The following CPED1 variants were observed in gnomAD, a reference collection of about 807,000 sequenced individuals.
The protein encoded by CPED1 is cadherin like and PC-esterase domain containing 1, also known as cadherin-like and PC-esterase domain-containing protein 1.
Under a neutral mutation model 128.2 loss-of-function variants are expected in CPED1, and 114 were observed. That is an observed-to-expected ratio of 0.89 (90% CI 0.76 to 1.04). The LOEUF (loss-of-function observed/expected upper bound fraction) is 1.04. Ranked by LOEUF, CPED1 falls within the 50% of genes least tolerant of loss-of-function variation. The pLI is 0.00. For synonymous variants in CPED1, 462 were observed against 426.7 expected (o/e 1.08, Z -1.02); for missense variants, 1,211 against 1,207.1 (o/e 1.00, Z -0.05).
rs145911195 is a variant in CPED1 at position 120,996,915 on chromosome 7, C to T, written c.249+7045C>T. Among the ~76,000 whole-genome samples the T allele has an allele frequency of 8.5e-5, 13 of 152,288 alleles. No homozygotes were observed. The South Asian group carries it at 1.4e-3, about 17-fold the overall frequency. ...AGCTTTCAGGAGTTGTAACGTTGAGCGCACTCAATTGAGTAGAAACCACAC... is the reference window on the plus strand; with the variant it reads ...AGCTTTCAGGAGTTGTAACGTTGAGTGCACTCAATTGAGTAGAAACCACAC... On this transcript the variant is annotated intron_variant, in intron 2 of 22. Coordinates refer to ENST00000310396, the MANE Select transcript of CPED1 (RefSeq NM_024913.5).
At position 121,204,175 on chromosome 7, in the gene CPED1, A is replaced by G. The variant is rs1220010427; in HGVS notation, c.2056-32539A>G. On this transcript the variant is annotated intron_variant, in intron 16 of 22. Transcript: ENST00000310396. Reference sequence around the variant, plus strand: ...AAACTCTTTGTTCCAAAATTGGAGAAGGGGCCACTGGTTTGATTACGGGTT... The same window carrying G: ...AAACTCTTTGTTCCAAAATTGGAGAGGGGGCCACTGGTTTGATTACGGGTT... 1.6e-4 allele frequency among the ~76,000 whole-genome samples: 24 copies of G among 152,232 alleles called. 1 individual carries two copies.
chr7:121,138,122 T>A (rs1460960917), intron 14 of CPED1, among the ~76,000 whole-genome samples: 3 of 152,060 alleles, frequency 2.0e-5, no homozygotes, highest in African/African-American at 7.2e-5. Flanking sequence ...TTAAAAATAA[T>A]GTAAGGATGC....
chr7:121,144,817 T>A (rs994010174), intron 16 of CPED1, among the ~76,000 whole-genome samples: 3 of 152,024 alleles, frequency 2.0e-5, no homozygotes, highest in African/African-American at 7.2e-5. Context: ...ACAACTATTA[T>A]GTATCCACAA....
At chr7:121,180,890 C>G (rs1292260733) in intron 16 of CPED1, among the ~76,000 whole-genome samples, 1 of 152,028 alleles carries the variant, frequency 6.6e-6, no homozygotes, top group Non-Finnish European at 1.5e-5. Flanking sequence ...TGGGACATGT[C>G]TTAGCATTCT....
chr7:121,047,026 C>T, intron 4 of CPED1, 33 bp downstream of exon 4: 1 of 1,331,006 alleles, frequency 7.5e-7, no homozygotes, highest in Non-Finnish European at 1.1e-6. Flanking sequence ...CAGATTTTAT[C>T]AGCCCTACAG....
At chr7:121,098,729 C>A (rs1794758000) in intron 6 of CPED1, among the ~76,000 whole-genome samples, 1 of 29,760 alleles carries the variant, frequency 3.4e-5, no homozygotes, top group African/African-American at 8.4e-5. Context: ...GACCTTGTCT[C>A]AAATATATAT....
In CPED1 at chr7:121,099,915, T is replaced by A; in HGVS notation, c.750-11T>A. On this transcript the variant is annotated splice_polypyrimidine_tract_variant and intron_variant, in intron 6 of 22. Transcript: ENST00000310396. ...TTATGGAGCGCTAACTATGTTTTTT[T>A]TTTTTTTTAGGAATGAAACGACAGT... The A allele has an allele frequency of 6.2e-7, 1 of 1,608,198 alleles. No individual in the cohort carries two copies. The highest frequency in any genetic ancestry group is 8.5e-7 in the Non-Finnish European group (1 of 1,178,432).
intron 22 of CPED1, among the ~76,000 whole-genome samples, chr7:121,293,002 A>G (rs1792740882): frequency 6.6e-6 from 1 of 152,130 alleles, no homozygotes; most frequent in South Asian, 2.1e-4. Context: ...GGGGGTCAGG[A>G]ACCCACTTGA....
At chr7:121,284,901 T>A (rs555362399) in intron 22 of CPED1, among the ~76,000 whole-genome samples, 1 of 152,322 alleles carries the variant, frequency 6.6e-6, no homozygotes, top group South Asian at 2.1e-4. Context: ...GCCCTTCTTC[T>A]CACAGCTTCA....
At chr7:121,009,940 G>A (rs931957255) in intron 2 of CPED1, among the ~76,000 whole-genome samples, 1 of 152,120 alleles carries the variant, frequency 6.6e-6, no homozygotes, top group Non-Finnish European at 1.5e-5. Context: ...GGGCATGCAT[G>A]TATTTATAAA....
intron 22 of CPED1, among the ~76,000 whole-genome samples, chr7:121,288,180 T>C (rs1278942252): frequency 6.6e-6 from 1 of 152,176 alleles, no homozygotes; most frequent in African/African-American, 2.4e-5. Flanking sequence ...GGCAAAGGAA[T>C]TTTTACATCT....
At chr7:121,203,659 C>A (rs1438783082) in intron 16 of CPED1, among the ~76,000 whole-genome samples, 1 of 152,106 alleles carries the variant, frequency 6.6e-6, no homozygotes, top group Non-Finnish European at 1.5e-5. Flanking sequence ...CTTCATGGTG[C>A]TGAGGAAACT....
At chr7:121,018,160 G>A (rs1792351769) in intron 3 of CPED1, among the ~76,000 whole-genome samples, 1 of 152,152 alleles carries the variant, frequency 6.6e-6, no homozygotes, top group South Asian at 2.1e-4. Flanking sequence ...AAAGAGTTGT[G>A]ACTATAATCT....
At chr7:121,038,786 C>G (rs1792968623) in intron 3 of CPED1, among the ~76,000 whole-genome samples, 1 of 151,954 alleles carries the variant, frequency 6.6e-6, no homozygotes. Context: ...TTGAGAGGAA[C>G]TGGTCAGCTA....
intron 16 of CPED1, among the ~76,000 whole-genome samples, chr7:121,196,843 G>A (rs1797285517): frequency 6.6e-6 from 1 of 151,572 alleles, no homozygotes; most frequent in Non-Finnish European, 1.5e-5. Context: ...TTTCCCACAA[G>A]TCTAGCTCAT....
intron 5 of CPED1, among the ~76,000 whole-genome samples, chr7:121,067,486 G>T (rs1437941427): frequency 3.9e-5 from 6 of 152,094 alleles, no homozygotes; most frequent in African/African-American, 1.4e-4. Flanking sequence ...GTGTACACGT[G>T]CCACATTTTC....
At chr7:121,086,594 C>G (rs1301231890) in intron 5 of CPED1, among the ~76,000 whole-genome samples, 1 of 152,106 alleles carries the variant, frequency 6.6e-6, no homozygotes, top group Non-Finnish European at 1.5e-5. Flanking sequence ...ACTCAGACTC[C>G]TGGGACTGGT....
rs552431928 is a variant in CPED1 at position 121,206,309 on chromosome 7, C to T, written c.2056-30405C>T. Reference sequence around the variant, plus strand: ...GCATTAACTAGGCCAAAATGGGCAGCCAGGCATTGTGAATATTAATATCAC... The same window carrying T: ...GCATTAACTAGGCCAAAATGGGCAGTCAGGCATTGTGAATATTAATATCAC... On this transcript the variant is annotated intron_variant, in intron 16 of 22. Coordinates refer to ENST00000310396, the MANE Select transcript of CPED1 (RefSeq NM_024913.5). Among the ~76,000 whole-genome samples, 4 of 152,024 alleles carry T rather than the reference C, an allele frequency of 2.6e-5. No individual in the cohort carries two copies. In the South Asian group the frequency reaches 8.3e-4, roughly 32 times the overall value.
rs571644375 is a variant in CPED1 at position 121,239,031 on chromosome 7, T to A, written c.2173+2200T>A. On this transcript the variant is annotated intron_variant, in intron 17 of 22. Transcript: ENST00000310396. The stretch of plus-strand genomic sequence containing the variant: ...CAAAAGGCCCAAAGACTCAAAAACT[T>A]AACAAGTGAGGTCAGGATAGCAGTC... 6.6e-5 allele frequency among the ~76,000 whole-genome samples: 10 copies of A among 152,234 alleles called. No individual in the cohort carries two copies. The East Asian group carries it at 1.9e-3, about 29-fold the overall frequency.
Sources: allele counts gnomAD v4.1 joint callset (sites outside exome capture counted in the v4.1 genomes callset), GRCh38; gene constraint gnomAD v4.1.1; transcripts MANE v1.5; gene names NCBI Gene and HGNC (gene_info 2026-07-23, HGNC 2026-07-21).